Variants in FAM81B observed in about 807,000 individuals in gnomAD.
FAM81B encodes the protein family with sequence similarity 81 member B.
In FAM81B, 60 loss-of-function variants were observed where a neutral mutation model predicts 58.7. The ratio of observed to expected loss-of-function variants is 1.02; its 90% CI spans 0.83 to 1.27. The LOEUF is 1.27. Ranked by LOEUF, FAM81B falls within the 50% of genes most tolerant of loss-of-function variation. The pLI is 0.00. For missense variants in FAM81B, 491 were observed against 522.0 expected (o/e 0.94, Z 0.58); for synonymous variants, 189 against 179.6 (o/e 1.05, Z -0.42).
Position 95,400,253 on chromosome 5 carries a change from A to C in FAM81B, c.293+4078A>C, listed in dbSNP as rs980262221. Among the ~76,000 whole-genome samples, 11 of 152,282 alleles carry C rather than the reference A, an allele frequency of 7.2e-5. No individual in the cohort carries two copies. In the East Asian group the frequency reaches 2.1e-3, roughly 29 times the overall value. On this transcript the variant is annotated intron_variant, in intron 3 of 9. Transcript: ENST00000283357. ...AGGACTGGTTCCTTCTGAGGGCTCC[A>C]AGGGGAACCTGTTCCTTGTCTCCTG...
intron 7 of FAM81B, among the ~76,000 whole-genome samples, chr5:95,443,513 T>C (rs1561315239): frequency 6.6e-6 from 1 of 152,292 alleles, no homozygotes; most frequent in East Asian, 1.9e-4. Context: ...AAATAGAAGA[T>C]TTGGGATCTA....
chr5:95,426,626 A>G (rs1327011393), intron 5 of FAM81B, among the ~76,000 whole-genome samples: 2 of 152,190 alleles, frequency 1.3e-5, no homozygotes, highest in South Asian at 2.1e-4. Flanking sequence ...CATTATTCGC[A>G]TTGTCAATCA....
chr5:95,404,721 C>A (rs1762201004), intron 3 of FAM81B, among the ~76,000 whole-genome samples: 2 of 152,198 alleles, frequency 1.3e-5, no homozygotes, highest in Admixed American at 6.5e-5. Flanking sequence ...ATGTGCCACA[C>A]ATTCTTCTCA....
At chr5:95,427,941 T>C (rs1268337837) in intron 5 of FAM81B, among the ~76,000 whole-genome samples, 1 of 152,202 alleles carries the variant, frequency 6.6e-6, no homozygotes, top group Non-Finnish European at 1.5e-5. Context: ...ACTAGCTCCT[T>C]CTCACCAGAA....
Position 95,428,547 on chromosome 5 carries a change from A to G in FAM81B, c.657-56A>G, listed in dbSNP as rs2152767007. Reference sequence around the variant, plus strand: ...AAATGAATGTGCAGGTGTCTACTATAGTGTTAAAAATGTTATAAAGGTATT... The same window carrying G: ...AAATGAATGTGCAGGTGTCTACTATGGTGTTAAAAATGTTATAAAGGTATT... On this transcript the variant is annotated intron_variant, in intron 5 of 9. Coordinates refer to ENST00000283357, the MANE Select transcript of FAM81B (RefSeq NM_152548.3). 15 of 1,600,196 alleles carry G rather than the reference A, an allele frequency of 9.4e-6. No homozygotes were observed. In the Middle Eastern group the frequency reaches 5.0e-4, roughly 53 times the overall value.
At chr5:95,447,541 C>G (rs376643394) in intron 8 of FAM81B, among the ~76,000 whole-genome samples, 1 of 152,202 alleles carries the variant, frequency 6.6e-6, no homozygotes. Flanking sequence ...ACCAGTTATA[C>G]GCAGCACTAG....
intron 4 of FAM81B, among the ~76,000 whole-genome samples, chr5:95,415,050 AAATT>A (rs1762501572): frequency 6.6e-6 from 1 of 152,252 alleles, no homozygotes; most frequent in Non-Finnish European, 1.5e-5. Context: ...ATGAATGAAT[AAATT>A]AATTAATTTT....
At position 95,444,998 on chromosome 5, in the gene FAM81B, C is replaced by T. The variant is rs547606679; in HGVS notation, c.894-1564C>T. On this transcript the variant is annotated intron_variant, in intron 7 of 9. Coordinates refer to ENST00000283357, the MANE Select transcript of FAM81B (RefSeq NM_152548.3). ...AAAATTGTCTCCAGATGTTATCAAA[C>T]GTCCCCCAGGGGCAAGCAGGTGGGA... Among the ~76,000 whole-genome samples, 4 of 152,210 alleles carry T rather than the reference C, an allele frequency of 2.6e-5. No homozygotes were observed. In the South Asian group the frequency reaches 8.3e-4, roughly 32 times the overall value.
intron 5 of FAM81B, among the ~76,000 whole-genome samples, chr5:95,426,125 T>TATATATATATATATAC (rs781083080): frequency 1.1e-5 from 1 of 94,306 alleles, no homozygotes; most frequent in African/African-American, 4.3e-5. Context: ...TATATATATG[T>TATATATATATATATAC]ACACATATAT....
chr5:95,406,735 C>T (rs1053191367), intron 3 of FAM81B, among the ~76,000 whole-genome samples: 18 of 152,204 alleles, frequency 1.2e-4, no homozygotes, highest in African/African-American at 3.9e-4. Context: ...CCAAGTCCTT[C>T]AGGATTTTGT....
At chr5:95,439,624 G>T (rs1745251799) in intron 7 of FAM81B, among the ~76,000 whole-genome samples, 1 of 150,644 alleles carries the variant, frequency 6.6e-6, no homozygotes, top group Non-Finnish European at 1.5e-5. Flanking sequence ...TTTTCAATCA[G>T]AAGACCTCTG....
intron 8 of FAM81B, 64 bp downstream of exon 8, chr5:95,446,761 G>A: frequency 6.4e-7 from 1 of 1,567,468 alleles, no homozygotes; most frequent in South Asian, 1.2e-5. Context: ...GTGAGTAAAG[G>A]TCTGGGAATT....
Position 95,446,656 on chromosome 5 carries a change from G to C in FAM81B, c.988G>C (p.Gly330Arg). The change falls in exon 8 of 10, where the codon GGC (glycine) becomes CGC (arginine). Residue 330 changes from glycine (G) to arginine (R), a missense_variant. Gly to Arg is a moderately radical substitution (Grantham distance 125). Transcript: ENST00000283357. ...TCTCAAATATAGAAAAGACCACCTG[G>C]GCCATATAAATGAATGTCTGAAGGT... ...QFLKYRKDHLGHINECLKVLQ... is the reference protein window; with the variant it reads ...QFLKYRKDHLRHINECLKVLQ... The C allele has an allele frequency of 6.2e-7, 1 of 1,611,886 alleles. No individual in the cohort carries two copies. Among genetic ancestry groups the C allele is most frequent in the Non-Finnish European group, 8.5e-7 (1 of 1,179,516 alleles).
chr5:95,436,672 T>C, intron 6 of FAM81B, 128 bp from the exon 7 acceptor site: 3 of 698,270 alleles, frequency 4.3e-6, no homozygotes, highest in South Asian at 1.6e-5. Flanking sequence ...GGTTCAAGTC[T>C]GTTTCCCAGC....
intron 1 of FAM81B, 115 bp from the exon 2 acceptor site, chr5:95,392,679 C>T (rs1761858141): frequency 2.6e-6 from 2 of 767,404 alleles, no homozygotes; most frequent in Non-Finnish European, 4.3e-6. Context: ...TTGAAAGCCT[C>T]CCTTTAAGCC....
intron 8 of FAM81B, among the ~76,000 whole-genome samples, chr5:95,447,206 C>T (rs879837104): frequency 6.6e-6 from 1 of 152,224 alleles, no homozygotes; most frequent in Admixed American, 6.5e-5. Flanking sequence ...GGGGTCCCCT[C>T]TCCCACTGCA....
At position 95,431,973 on chromosome 5, in the gene FAM81B, T is replaced by C. The variant is rs1278765483; in HGVS notation, c.786+3241T>C. On this transcript the variant is annotated intron_variant, in intron 6 of 9. Transcript: ENST00000283357. ...TGCTTTGACTAATAACCCCAAACAA[T>C]GTTAGATAGTATGTGGGAATAGTGG... Among the ~76,000 whole-genome samples the C allele has an allele frequency of 2.7e-4, 41 of 151,964 alleles. 2 individuals carry two copies. Among genetic ancestry groups the C allele is most frequent in the Admixed American group, 2.7e-3 (41 of 15,250 alleles).
chr5:95,432,905 C>G (rs1744958795), intron 6 of FAM81B, among the ~76,000 whole-genome samples: 1 of 151,726 alleles, frequency 6.6e-6, no homozygotes, highest in Non-Finnish European at 1.5e-5. Flanking sequence ...TTTTCTTTTT[C>G]CTTGCCTGCA....
Position 95,396,148 on chromosome 5 carries a change from C to G in FAM81B, c.266C>G (p.Ser89Cys). The G allele has an allele frequency of 6.2e-7, 1 of 1,607,180 alleles. No homozygotes were observed. Among genetic ancestry groups the G allele is most frequent in the Non-Finnish European group, 8.5e-7 (1 of 1,177,554 alleles). ...LSPAKMSTKN[S>C]TDLVEYVDKS... ...CCAGCCAAAATGTCAACCAAGAATT[C>G]TACAGATCTAGTTGAATATGTTGAC... Residue 89 changes from serine (S) to cysteine (C), a missense_variant, in exon 3 of 10, where the codon TCT becomes TGT. Physicochemically the swap from Ser to Cys is moderately radical, Grantham distance 112. Transcript: ENST00000283357.
Sources: allele counts gnomAD v4.1 joint callset (sites outside exome capture counted in the v4.1 genomes callset), GRCh38; gene constraint gnomAD v4.1.1; transcripts MANE v1.5; gene names NCBI Gene and HGNC (gene_info 2026-07-23, HGNC 2026-07-21).